The following PRPF8 variants were observed in gnomAD, a reference collection of about 807,000 sequenced individuals.
PRPF8 encodes the protein pre-mRNA processing factor 8, also known as pre-mRNA-processing-splicing factor 8.
Under a neutral mutation model 285.9 loss-of-function variants are expected in PRPF8, and 64 were observed. That is an observed-to-expected ratio of 0.22 (90% confidence interval 0.18 to 0.28). The LOEUF is 0.28. Among genes scored for constraint, PRPF8 ranks in the 10% least tolerant of loss-of-function variants. The pLI, the probability that PRPF8 is intolerant of heterozygous loss-of-function variation, is 1.00. For synonymous variants in PRPF8, 1,325 were observed against 1,118.2 expected, an observed-to-expected ratio of 1.18 and a Z score of -3.69; for missense variants, 1,426 against 3,026.7, an observed-to-expected ratio of 0.47 and a Z score of 12.41.
chr17:1,677,505 CAG>C, intron 14 of PRPF8, 58 bp downstream of exon 14: 14 of 1,612,898 alleles, frequency 8.7e-6, no homozygotes, highest in Non-Finnish European at 1.2e-5. Flanking sequence ...CAGACTCAAA[CAG>C]GGGCAGGTAC....
At chr17:1,666,951 G>T (rs761317934) in intron 24 of PRPF8, among the ~76,000 whole-genome samples, 20 of 152,150 alleles carry the variant, frequency 1.3e-4, no homozygotes, top group Non-Finnish European at 2.6e-4. Context: ...GAGGCGGTTG[G>T]ATCATGAGGT....
rs1911684227 is a variant in PRPF8, at chr17:1,661,663, G to A, written c.4150C>T (p.Arg1384Trp). 2 of 1,614,010 alleles carry A rather than the reference G, an allele frequency of 1.2e-6. No homozygotes were observed. The highest frequency in any genetic ancestry group is 1.7e-6 in the Non-Finnish European group (2 of 1,180,026). ...TTGAGTGCGTACTCAGCCCAGACCC[G>A]CTGAGAATCAATGAACTCGCTCTCC... is the stretch of plus-strand genomic sequence containing the variant. The part of the protein sequence containing the change: ...PWESEFIDSQ[R>W]VWAEYALKRQ... Residue 1384 changes from arginine to tryptophan, a missense_variant, in exon 26 of 43, where the codon CGG (arginine) becomes TGG (tryptophan). This residue lies in a region of PRPF8 where 40 missense variants were observed against 121.6 expected (regional missense o/e 0.33). Coordinates refer to ENST00000304992, the MANE Select transcript of PRPF8 (RefSeq NM_006445.4). The surrounding 1 kb of genome is among the most constrained non-coding windows in gnomAD (Gnocchi z 7.3).
At chr17:1,671,074 A>C (rs906935812) in intron 24 of PRPF8, among the ~76,000 whole-genome samples, 3 of 152,052 alleles carry the variant, frequency 2.0e-5, no homozygotes, top group African/African-American at 7.2e-5. Flanking sequence ...TAACATTCCC[A>C]ATTCCACAAT....
chr17:1,651,812 C>T lies in PRPF8; in HGVS notation c.6370-24G>A, dbSNP rs1567674526. On this transcript the variant is annotated intron_variant, in intron 39 of 42. Coordinates refer to ENST00000304992, the MANE Select transcript of PRPF8 (RefSeq NM_006445.4). This position sits in a 1 kb window ranked among gnomAD's most constrained non-coding sequence, Gnocchi z 5.1. The stretch of plus-strand genomic sequence containing the variant: ...ATCTGGAGACAAAGGGGTCAGGAAC[C>T]AAAACTCTTCTTAGTACCAGGTCAG... The T allele has an allele frequency of 3.1e-6, 5 of 1,613,174 alleles. No individual in the cohort carries two copies. The highest frequency in any genetic ancestry group is 3.4e-6 in the Non-Finnish European group (4 of 1,179,336).
intron 24 of PRPF8, among the ~76,000 whole-genome samples, chr17:1,663,651 C>T (rs1280610288): frequency 7.6e-6 from 1 of 131,984 alleles, no homozygotes; most frequent in Non-Finnish European, 1.5e-5. Flanking sequence ...AGAGGTTGCA[C>T]TGAGCCAAGA....
At chr17:1,657,368 G>A (rs1038820628) in intron 34 of PRPF8, among the ~76,000 whole-genome samples, 4 of 152,170 alleles carry the variant, frequency 2.6e-5, no homozygotes, top group African/African-American at 7.2e-5. Flanking sequence ...TTGCTGGGCC[G>A]GGCACGGTGG....
chr17:1,682,346 C>T, intron 3 of PRPF8, 53 bp from the exon 4 acceptor site: 2 of 1,583,450 alleles, frequency 1.3e-6, no homozygotes, highest in South Asian at 1.1e-5. Flanking sequence ...TGTTCTGCTA[C>T]CTGTCCCATG....
In PRPF8 at chr17:1,675,552, A is replaced by G. The variant is rs1912565969; in HGVS notation, c.2872+68T>C. The G allele has an allele frequency of 2.5e-6, 4 of 1,592,134 alleles. No individual in the cohort carries two copies. The highest frequency in any genetic ancestry group is 2.7e-5 in the African/African-American group (2 of 74,442). On this transcript the variant is annotated intron_variant, in intron 19 of 42. Transcript: ENST00000304992. This position sits in a 1 kb window ranked among gnomAD's most constrained non-coding sequence, Gnocchi z 6.0. ...AGAGTAAACCAATCATGCTACCCAG[A>G]TGAGATTTTTGACGTAGAACTAAAT...
At chr17:1,668,056 G>A (rs1341016241) in intron 24 of PRPF8, among the ~76,000 whole-genome samples, 2 of 152,208 alleles carry the variant, frequency 1.3e-5, no homozygotes, top group African/African-American at 4.8e-5. Flanking sequence ...GTCTGACCTA[G>A]GTCCTATCAG....
chr17:1,669,856 C>T (rs925905722), intron 24 of PRPF8, among the ~76,000 whole-genome samples: 6 of 152,208 alleles, frequency 3.9e-5, no homozygotes, highest in African/African-American at 1.4e-4. Context: ...CCAAATTCCT[C>T]CCTCTCCTCT....
In PRPF8 at chr17:1,651,434, C is replaced by A; in HGVS notation, c.6630G>T (p.Lys2210Asn). 6.2e-7 allele frequency: 1 copy of A among 1,614,176 alleles called. No homozygotes were observed. Among genetic ancestry groups the A allele is most frequent in the South Asian group, 1.1e-5 (1 of 91,082 alleles). ...MADNPSWDGE[K>N]TIIITCSFTP... is the part of the protein sequence containing the mutation. ...CCCACCTGCATGTGATGATAATGGTCTTCTCGCCATCCCAAGATGGGTTGT... is the reference window on the plus strand; with the variant it reads ...CCCACCTGCATGTGATGATAATGGTATTCTCGCCATCCCAAGATGGGTTGT... The change falls in exon 41 of 43, where the codon AAG becomes AAT. Residue 2210 changes from lysine (K) to asparagine (N), a missense_variant. Physicochemically the swap from Lys to Asn is moderately conservative, Grantham distance 94. This residue lies in a region of PRPF8 where 160 missense variants were observed against 373.7 expected (regional missense o/e 0.43). Coordinates refer to ENST00000304992, the MANE Select transcript of PRPF8 (RefSeq NM_006445.4). The surrounding 1 kb of genome is among the most constrained non-coding windows in gnomAD (Gnocchi z 5.1).
intron 2 of PRPF8, 25 bp from the exon 3 acceptor site, chr17:1,683,726 G>T: frequency 6.2e-7 from 1 of 1,612,834 alleles, no homozygotes; most frequent in Admixed American, 1.7e-5. Flanking sequence ...CAGTTTAAAG[G>T]CCTGCACACC....
At chr17:1,660,306 G>A (rs1911612707) in intron 30 of PRPF8, 126 bp downstream of exon 30, 6 of 1,509,462 alleles carry the variant, frequency 4.0e-6, no homozygotes, top group Admixed American at 3.4e-5. Context: ...GATTCCACCT[G>A]AGCTGACTCT....
intron 34 of PRPF8, among the ~76,000 whole-genome samples, chr17:1,657,978 A>G (rs1231195185): frequency 6.6e-6 from 1 of 151,940 alleles, no homozygotes; most frequent in Non-Finnish European, 1.5e-5. Flanking sequence ...CTAAAAAAAA[A>G]AAAAAAAAAA....
Position 1,679,580 on chromosome 17 carries a change from A to AT in PRPF8, c.1289+28dup, listed in dbSNP as rs1441919157. The stretch of plus-strand genomic sequence containing the variant: ...TCTTTTCTCCTACACATCCACTATC[A>AT]TTCCCCCTGCCACAGGGAAAAACCT... On this transcript the variant is annotated intron_variant, in intron 9 of 42. Coordinates refer to ENST00000304992, the MANE Select transcript of PRPF8 (RefSeq NM_006445.4). This position sits in a 1 kb window ranked among gnomAD's most constrained non-coding sequence, Gnocchi z 4.7. 6.2e-7 allele frequency: 1 copy of AT among 1,611,870 alleles called. No homozygotes were observed. Among genetic ancestry groups the AT allele is most frequent in the Non-Finnish European group, 8.5e-7 (1 of 1,179,490 alleles).
intron 24 of PRPF8, among the ~76,000 whole-genome samples, chr17:1,671,950 C>T (rs1024108807): frequency 1.1e-4 from 17 of 151,768 alleles, no homozygotes; most frequent in African/African-American, 3.9e-4. Context: ...GTGAGGATCA[C>T]TTGAGCTGCA....
At chr17:1,680,444 A>C in intron 8 of PRPF8, 2 of 530,158 alleles carry the variant, frequency 3.8e-6, no homozygotes, top group African/African-American at 1.9e-5. Flanking sequence ...TCTCAATATA[A>C]AGGCTAAAAC....
In PRPF8 at chr17:1,658,407, A is replaced by G. The variant is rs538841881; in HGVS notation, c.5377-26T>C. ...CTAGAGGAGGACGGCATTCGTTAGC[A>G]TGGCCTACACAACACATCCCCATCC... On this transcript the variant is annotated intron_variant, in intron 33 of 42. Coordinates refer to ENST00000304992, the MANE Select transcript of PRPF8 (RefSeq NM_006445.4). This position sits in a 1 kb window ranked among gnomAD's most constrained non-coding sequence, Gnocchi z 4.1. The G allele has an allele frequency of 2.0e-5, 32 of 1,614,192 alleles. No homozygotes were observed. In the South Asian group the frequency reaches 3.5e-4, roughly 18 times the overall value.
intron 24 of PRPF8, among the ~76,000 whole-genome samples, chr17:1,667,519 GA>G (rs1352619522): frequency 6.8e-6 from 1 of 146,178 alleles, no homozygotes; most frequent in African/African-American, 2.5e-5. Context: ...ACAAGTTATA[GA>G]ACTTGCCCAT....
Sources: allele counts gnomAD v4.1 joint callset (sites outside exome capture counted in the v4.1 genomes callset), GRCh38; gene constraint gnomAD v4.1.1; regional missense constraint gnomAD v4.1.1; non-coding constraint Gnocchi (gnomAD v3.1); transcripts MANE v1.5; gene names NCBI Gene and HGNC (gene_info 2026-07-23, HGNC 2026-07-21).